ODAD2: variants seen among roughly 807,000 people sequenced by gnomAD.
ODAD2 encodes the protein outer dynein arm-docking complex subunit 2.
In ODAD2, 89 loss-of-function variants were observed where a neutral mutation model predicts 106.8. The observed-to-expected ratio is 0.83, with a 90% CI of 0.70 to 0.99. ODAD2 has a LOEUF of 0.99. Ranked by LOEUF, ODAD2 falls within the 50% of genes least tolerant of loss-of-function variation. ODAD2 has a pLI of 0.00. For missense variants in ODAD2, 1,168 were observed against 1,238.5 expected (o/e 0.94, Z 0.85); for synonymous variants, 404 against 436.2 (o/e 0.93, Z 0.92).
intron 10 of ODAD2, among the ~76,000 whole-genome samples, chr10:27,959,737 T>A (rs1005589998): frequency 1.3e-5 from 2 of 152,162 alleles, no homozygotes; most frequent in Non-Finnish European, 2.9e-5. Context: ...TTCCTAACAT[T>A]TCATTTACAT....
chr10:27,961,173 T>G (rs1848111140), intron 10 of ODAD2, among the ~76,000 whole-genome samples: 1 of 152,188 alleles, frequency 6.6e-6, no homozygotes, highest in Admixed American at 6.5e-5. Flanking sequence ...TTGAGAAAAT[T>G]AGGGCTCAAA....
intron 19 of ODAD2, among the ~76,000 whole-genome samples, chr10:27,855,458 G>A (rs114851806): frequency 0.03 from 4,511 of 151,900 alleles, 226 homozygotes; most frequent in African/African-American, 0.1. Flanking sequence ...AACTCTTCTC[G>A]GCACTCCAAG....
At chr10:27,975,677 G>A (rs1409721788) in intron 7 of ODAD2, among the ~76,000 whole-genome samples, 1 of 152,044 alleles carries the variant, frequency 6.6e-6, no homozygotes, top group Non-Finnish European at 1.5e-5. Context: ...GGCCCAGATG[G>A]CTTTCACCAA....
chr10:27,893,371 A>G (rs1842680660), intron 17 of ODAD2, among the ~76,000 whole-genome samples: 1 of 152,194 alleles, frequency 6.6e-6, no homozygotes, highest in African/African-American at 2.4e-5. Flanking sequence ...CACCACAGGG[A>G]CACACATATA....
intron 19 of ODAD2, among the ~76,000 whole-genome samples, chr10:27,849,967 C>T (rs1839122258): frequency 6.6e-6 from 1 of 152,200 alleles, no homozygotes. Flanking sequence ...GTACCAGTCC[C>T]TGATCTCTGT....
intron 19 of ODAD2, among the ~76,000 whole-genome samples, chr10:27,834,980 C>G (rs1365376259): frequency 6.6e-6 from 1 of 152,210 alleles, no homozygotes; most frequent in Non-Finnish European, 1.5e-5. Flanking sequence ...TGATGTGGCT[C>G]TGAGTTTTCA....
At chr10:27,814,757 T>A (rs1836000467) in intron 19 of ODAD2, among the ~76,000 whole-genome samples, 1 of 152,216 alleles carries the variant, frequency 6.6e-6, no homozygotes, top group South Asian at 2.1e-4. Flanking sequence ...CTTATCAGTT[T>A]CTTAAACCTC....
intron 17 of ODAD2, among the ~76,000 whole-genome samples, chr10:27,906,485 AT>A (rs998983176): frequency 8.1e-4 from 124 of 152,284 alleles, no homozygotes; most frequent in African/African-American, 2.9e-3. Flanking sequence ...CACGAATACC[AT>A]TTTACCTGCC....
intron 8 of ODAD2, among the ~76,000 whole-genome samples, chr10:27,970,134 A>G (rs4749289): frequency 8.3e-4 from 123 of 147,344 alleles, no homozygotes; most frequent in East Asian, 1.6e-3. Context: ...ATAAATAAAT[A>G]AATAAATAAA....
chr10:27,883,114 A>C (rs1841859182), intron 17 of ODAD2, among the ~76,000 whole-genome samples: 1 of 151,952 alleles, frequency 6.6e-6, no homozygotes, highest in African/African-American at 2.4e-5. Flanking sequence ...AGATCTCAGA[A>C]GGCCTTAGTT....
At chr10:27,952,057 AGACT>A (rs1199793171) in intron 10 of ODAD2, among the ~76,000 whole-genome samples, 1 of 138,070 alleles carries the variant, frequency 7.2e-6, no homozygotes, top group Admixed American at 7.8e-5. Flanking sequence ...CCTGGGCAAC[AGACT>A]GAGATGCCAA....
intron 7 of ODAD2, among the ~76,000 whole-genome samples, chr10:27,976,973 G>C (rs1291309358): frequency 6.6e-6 from 1 of 151,926 alleles, no homozygotes; most frequent in Non-Finnish European, 1.5e-5. Context: ...AAGTTATAAA[G>C]GTAATTCAGT....
In ODAD2 at chr10:27,983,835, T is replaced by G. The variant is rs1236480521; in HGVS notation, c.819+8A>C. On this transcript the variant is annotated splice_region_variant and intron_variant, in intron 6 of 19. Transcript: ENST00000305242. ...TGGCTTTAGTTACGTTTTTAAAAAT[T>G]TACTTACACCATTTAAAAATACTCC... 17 of 1,612,820 alleles carry G rather than the reference T, an allele frequency of 1.1e-5. No individual in the cohort carries two copies. The highest frequency in any genetic ancestry group is 1.4e-5 in the Non-Finnish European group (17 of 1,179,700).
At chr10:27,915,796 C>T (rs1318240912) in intron 16 of ODAD2, among the ~76,000 whole-genome samples, 1 of 152,118 alleles carries the variant, frequency 6.6e-6, no homozygotes. Flanking sequence ...GCACACAAAA[C>T]CATTGTGTGT....
chr10:27,948,204 C>CT (rs758575388), intron 10 of ODAD2, among the ~76,000 whole-genome samples: 9 of 151,944 alleles, frequency 5.9e-5, no homozygotes, highest in Non-Finnish European at 7.4e-5. Flanking sequence ...AAATCATCAG[C>CT]TTTTTTTCTG....
At chr10:27,891,566 AT>A (rs1348149609) in intron 17 of ODAD2, among the ~76,000 whole-genome samples, 1 of 152,134 alleles carries the variant, frequency 6.6e-6, no homozygotes, top group Non-Finnish European at 1.5e-5. Flanking sequence ...TAAGATAAGA[AT>A]ACCTGTTTTC....
At chr10:27,946,561 T>C (rs79627465) in intron 10 of ODAD2, among the ~76,000 whole-genome samples, 2,906 of 152,290 alleles carry the variant, frequency 0.019, 91 homozygotes, top group African/African-American at 0.067. Flanking sequence ...TGTTTTGAAA[T>C]ACATAATAAA....
At chr10:27,940,353 T>C (rs973037949) in intron 13 of ODAD2, among the ~76,000 whole-genome samples, 5 of 152,062 alleles carry the variant, frequency 3.3e-5, no homozygotes, top group Admixed American at 6.6e-5. Context: ...TCAGTATATA[T>C]GTGTGAGATA....
At chr10:27,987,683 T>C in intron 2 of ODAD2, 140 bp from the exon 3 acceptor site, 2 of 548,068 alleles carry the variant, frequency 3.6e-6, no homozygotes, top group Non-Finnish European at 6.0e-6. Context: ...TAGTAGCTCA[T>C]CTGTTTTCCC....
Sources: allele counts gnomAD v4.1 joint callset (sites outside exome capture counted in the v4.1 genomes callset), GRCh38; gene constraint gnomAD v4.1.1; transcripts MANE v1.5; gene names NCBI Gene and HGNC (gene_info 2026-07-23, HGNC 2026-07-21).